PARD3B: variants seen among roughly 807,000 people sequenced by gnomAD.
The protein encoded by PARD3B is partitioning defective 3 homolog B.
PARD3B carries 103 observed loss-of-function variants against 130.2 expected under a neutral mutation model. The ratio of observed to expected loss-of-function variants is 0.79; its 90% CI spans 0.67 to 0.93. PARD3B has a LOEUF of 0.93. PARD3B is among the 40% of genes least tolerant of loss of function. The pLI, the probability that PARD3B is intolerant of heterozygous loss-of-function variation, is 0.00. For missense variants in PARD3B, 1,609 were observed against 1,499.2 expected (o/e 1.07, Z -1.21); for synonymous variants, 583 against 553.2 (o/e 1.05, Z -0.76).
intron 22 of PARD3B, among the ~76,000 whole-genome samples, chr2:205,583,285 C>T (rs2054063424): frequency 6.6e-6 from 1 of 152,098 alleles, no homozygotes; most frequent in African/African-American, 2.4e-5. Context: ...ACTCAGAGAA[C>T]TGATCTGAGT....
At chr2:205,466,920 C>T (rs2048645171) in intron 20 of PARD3B, among the ~76,000 whole-genome samples, 1 of 152,204 alleles carries the variant, frequency 6.6e-6, no homozygotes. Flanking sequence ...ACCATGTTGG[C>T]CAGGCTGGTC....
chr2:204,849,407 T>C (rs1025175991), intron 2 of PARD3B, among the ~76,000 whole-genome samples: 5 of 152,224 alleles, frequency 3.3e-5, no homozygotes, highest in Admixed American at 6.5e-5. Flanking sequence ...AATATATGAC[T>C]AGGCTGAATA....
chr2:205,354,479 A>AATG (rs770491775), intron 18 of PARD3B, among the ~76,000 whole-genome samples: 50 of 151,266 alleles, frequency 3.3e-4, no homozygotes, highest in Admixed American at 6.6e-5. Context: ...GAAAAAAAGT[A>AATG]AAAAATTAAA....
intron 2 of PARD3B, among the ~76,000 whole-genome samples, chr2:204,953,743 G>A (rs936244146): frequency 2.0e-4 from 31 of 152,114 alleles, no homozygotes; most frequent in African/African-American, 7.0e-4. Context: ...CTAGATTTTT[G>A]GGTCCAGTCC....
chr2:205,396,757 T>C (rs372577639), intron 18 of PARD3B, among the ~76,000 whole-genome samples: 35 of 152,304 alleles, frequency 2.3e-4, no homozygotes, highest in African/African-American at 8.4e-4. Flanking sequence ...TTGCCAACTC[T>C]CAAATTTCTA....
At chr2:205,275,156 T>C (rs900821152) in intron 16 of PARD3B, among the ~76,000 whole-genome samples, 13 of 151,818 alleles carry the variant, frequency 8.6e-5, no homozygotes, top group African/African-American at 2.4e-4. Context: ...CCAAGGCCAC[T>C]GTTAGGCTTC....
At chr2:205,320,217 G>T (rs1245684089) in intron 18 of PARD3B, among the ~76,000 whole-genome samples, 1 of 141,450 alleles carries the variant, frequency 7.1e-6, no homozygotes, top group African/African-American at 2.6e-5. Flanking sequence ...GGAAGGGTGG[G>T]GGGGAGGAAG....
chr2:205,074,026 G>T (rs1700895569), intron 4 of PARD3B, among the ~76,000 whole-genome samples: 1 of 152,150 alleles, frequency 6.6e-6, no homozygotes, highest in African/African-American at 2.4e-5. Flanking sequence ...TAAGGCTGTT[G>T]TATGACTAAT....
At chr2:204,749,825 C>G (rs577312519) in intron 2 of PARD3B, among the ~76,000 whole-genome samples, 1 of 152,108 alleles carries the variant, frequency 6.6e-6, no homozygotes, top group African/African-American at 2.4e-5. Context: ...TCCAGCTGAT[C>G]GCCTCATACG....
chr2:205,372,517 C>T (rs759176200), intron 18 of PARD3B, among the ~76,000 whole-genome samples: 6 of 151,848 alleles, frequency 4.0e-5, no homozygotes, highest in Admixed American at 3.9e-4. Flanking sequence ...AACTTTAGGA[C>T]CTGTTTTCAA....
At chr2:205,477,412 C>G (rs2049062626) in intron 20 of PARD3B, among the ~76,000 whole-genome samples, 1 of 152,168 alleles carries the variant, frequency 6.6e-6, no homozygotes, top group Admixed American at 6.5e-5. Context: ...AGTCATACCT[C>G]AACTGTACAA....
rs369372474 is a variant in PARD3B, at chr2:204,606,216, G to A, written c.120+60097G>A. ...TTTGCCACACATGTGGCATAGTGCA[G>A]CGCCTTATGTATTGGTGTTTAAAAT... On this transcript the variant is annotated intron_variant, in intron 1 of 22. Coordinates refer to ENST00000406610, the MANE Select transcript of PARD3B (RefSeq NM_001302769.2). The surrounding 1 kb of genome is among the most constrained non-coding windows in gnomAD (Gnocchi z 4.0). Among the ~76,000 whole-genome samples, 53 of 152,316 alleles carry A rather than the reference G, an allele frequency of 3.5e-4. No homozygotes were observed. In the South Asian group the frequency reaches 7.9e-3, roughly 23 times the overall value.
chr2:205,030,856 A>AG (rs942102525), intron 3 of PARD3B, among the ~76,000 whole-genome samples: 7 of 152,102 alleles, frequency 4.6e-5, no homozygotes, highest in African/African-American at 9.7e-5. Context: ...TCCTGTCCAG[A>AG]GGGGGGTCTG....
At chr2:205,075,232 A>G (rs1426522772) in intron 4 of PARD3B, among the ~76,000 whole-genome samples, 1 of 152,148 alleles carries the variant, frequency 6.6e-6, no homozygotes, top group African/African-American at 2.4e-5. Context: ...CAGTGAAGGA[A>G]TGTTTGAGAG....
chr2:204,832,018 C>T (rs572591027), intron 2 of PARD3B, among the ~76,000 whole-genome samples: 21 of 152,186 alleles, frequency 1.4e-4, no homozygotes, highest in Non-Finnish European at 2.8e-4. Flanking sequence ...GTCAGGAGAT[C>T]GAGAGCATCC....
chr2:204,701,320 G>A (rs2037882594), intron 2 of PARD3B, among the ~76,000 whole-genome samples: 1 of 152,090 alleles, frequency 6.6e-6, no homozygotes, highest in East Asian at 1.9e-4. Flanking sequence ...TTAGGAAAAG[G>A]ACTTTTAACC....
Position 205,241,581 on chromosome 2 carries a change from T to C in PARD3B, c.2141-4197T>C, listed in dbSNP as rs565070641. ...GAAATAACCTTTAAATACAAATACT[T>C]TTTTAAAAAAGAAAGAAGAAAGAAA... On this transcript the variant is annotated intron_variant, in intron 15 of 22. Coordinates refer to ENST00000406610, the MANE Select transcript of PARD3B (RefSeq NM_001302769.2). The surrounding 1 kb of genome is among the most constrained non-coding windows in gnomAD (Gnocchi z 4.2). Among the ~76,000 whole-genome samples, 1 of 152,074 alleles carries C rather than the reference T, an allele frequency of 6.6e-6. No individual in the cohort carries two copies. Among genetic ancestry groups the C allele is most frequent in the Non-Finnish European group, 1.5e-5 (1 of 67,970 alleles).
intron 4 of PARD3B, among the ~76,000 whole-genome samples, chr2:205,099,630 T>G (rs888730439): frequency 4.6e-5 from 7 of 152,230 alleles, no homozygotes; most frequent in Non-Finnish European, 5.9e-5. Context: ...AGAGGTAAAC[T>G]GCCTTGTCGA....
intron 2 of PARD3B, among the ~76,000 whole-genome samples, chr2:204,717,342 G>A (rs1363994548): frequency 6.6e-6 from 1 of 152,156 alleles, no homozygotes; most frequent in African/African-American, 2.4e-5. Context: ...AATTGTTAAT[G>A]ACCCTCATAG....
Sources: allele counts gnomAD v4.1 joint callset (sites outside exome capture counted in the v4.1 genomes callset), GRCh38; gene constraint gnomAD v4.1.1; non-coding constraint Gnocchi (gnomAD v3.1); transcripts MANE v1.5; gene names NCBI Gene and HGNC (gene_info 2026-07-23, HGNC 2026-07-21).